Variants in STK32B observed in about 807,000 individuals in gnomAD.
STK32B encodes serine/threonine-protein kinase 32B.
A neutral mutation model predicts 52.6 loss-of-function variants in STK32B; 43 were observed. That is an observed-to-expected ratio of 0.82 (90% CI 0.64 to 1.05). The LOEUF is 1.05. STK32B is among the 50% of genes least tolerant of loss of function. STK32B has a pLI of 0.00. For synonymous variants in STK32B, 238 were observed against 204.3 expected (o/e 1.17, Z -1.41); for missense variants, 621 against 534.6 (o/e 1.16, Z -1.59).
intron 3 of STK32B, among the ~76,000 whole-genome samples, chr4:5,189,934 C>T (rs1721045894): frequency 1.3e-5 from 2 of 152,258 alleles, no homozygotes; most frequent in Admixed American, 6.5e-5. Flanking sequence ...GCATTCAGAA[C>T]CATGGCTGGC....
At chr4:5,491,989 G>A (rs1459865215) in intron 11 of STK32B, among the ~76,000 whole-genome samples, 2 of 152,128 alleles carry the variant, frequency 1.3e-5, no homozygotes, top group African/African-American at 2.4e-5. Context: ...TAGCCTTGTA[G>A]TATAGTTTGA....
intron 7 of STK32B, among the ~76,000 whole-genome samples, chr4:5,452,442 A>C (rs1048258311): frequency 4.6e-5 from 7 of 152,120 alleles, no homozygotes; most frequent in Non-Finnish European, 1.0e-4. Flanking sequence ...CCTGGGAGGT[A>C]ATGGAGTCTG....
At chr4:5,194,507 A>G (rs1721489292) in intron 3 of STK32B, among the ~76,000 whole-genome samples, 1 of 152,204 alleles carries the variant, frequency 6.6e-6, no homozygotes, top group African/African-American at 2.4e-5. Context: ...ACCCCATAAC[A>G]TGCTGAGTTT....
chr4:5,446,137 A>G (rs1049875387), intron 6 of STK32B, among the ~76,000 whole-genome samples: 7 of 152,150 alleles, frequency 4.6e-5, no homozygotes, highest in East Asian at 1.9e-4. Context: ...AGGGCATCCC[A>G]TCTGCATTCC....
intron 2 of STK32B, among the ~76,000 whole-genome samples, chr4:5,148,209 A>C (rs966764277): frequency 6.6e-6 from 1 of 151,738 alleles, no homozygotes; most frequent in Admixed American, 6.6e-5. Context: ...TTATCATAGG[A>C]TCTTCTTAAT....
intron 3 of STK32B, among the ~76,000 whole-genome samples, chr4:5,276,695 C>A (rs1412562355): frequency 6.6e-6 from 1 of 151,990 alleles, no homozygotes; most frequent in Non-Finnish European, 1.5e-5. Context: ...ATCTTTTCAT[C>A]ACGAGGCTGA....
At chr4:5,239,987 G>A (rs935770831) in intron 3 of STK32B, among the ~76,000 whole-genome samples, 4 of 151,796 alleles carry the variant, frequency 2.6e-5, no homozygotes, top group Non-Finnish European at 4.4e-5. Flanking sequence ...TAAATTAACT[G>A]TACCTGACTA....
In STK32B at chr4:5,498,928, T is replaced by C. The variant is rs1457222664; in HGVS notation, c.1107-17T>C. On this transcript the variant is annotated splice_polypyrimidine_tract_variant and intron_variant, in intron 11 of 11. Transcript: ENST00000282908. ...CCCCATGCCGCACCACTAACTCAGATCTGTGCTTGTTTGCAGGCTCAGGAG... is the reference window on the plus strand; with the variant it reads ...CCCCATGCCGCACCACTAACTCAGACCTGTGCTTGTTTGCAGGCTCAGGAG... The C allele has an allele frequency of 4.4e-6, 7 of 1,608,820 alleles. No individual in the cohort carries two copies. Among genetic ancestry groups the C allele is most frequent in the Non-Finnish European group, 5.1e-6 (6 of 1,177,206 alleles).
At chr4:5,475,211 G>GGA (rs1483488200) in intron 11 of STK32B, among the ~76,000 whole-genome samples, 1 of 151,982 alleles carries the variant, frequency 6.6e-6, no homozygotes, top group Non-Finnish European at 1.5e-5. Flanking sequence ...CACGAGGTCA[G>GGA]GAGTTCAAGA....
At chr4:5,475,774 G>A (rs1718193972) in intron 11 of STK32B, among the ~76,000 whole-genome samples, 1 of 151,032 alleles carries the variant, frequency 6.6e-6, no homozygotes, top group Admixed American at 6.6e-5. Flanking sequence ...AAAAGACATA[G>A]AAAATACTAT....
At chr4:5,019,430 G>C in the STK32B span, 1 of 1,476,816 alleles carries the variant, frequency 6.8e-7, no homozygotes, top group Non-Finnish European at 8.9e-7. Context: ...ACGGGCAGAG[G>C]CCCAGGCGTC....
Position 5,248,967 on chromosome 4 carries a change from T to C in STK32B, c.260+80517T>C, listed in dbSNP as rs192532228. ...GGAGGAGGGATAGCATTAGGAGATA[T>C]ACCTAATGTAAAGGACGAGTTAATG... On this transcript the variant is annotated intron_variant, in intron 3 of 11. Coordinates refer to ENST00000282908, the MANE Select transcript of STK32B (RefSeq NM_018401.3). Among the ~76,000 whole-genome samples the C allele has an allele frequency of 2.0e-3, 302 of 151,942 alleles. 1 individual carries two copies. Among genetic ancestry groups the C allele is most frequent in the African/African-American group, 7.0e-3 (289 of 41,366 alleles).
chr4:5,026,137 T>C, the STK32B span, among the ~76,000 whole-genome samples: 2 of 152,252 alleles, frequency 1.3e-5, no homozygotes, highest in African/African-American at 2.4e-5. Flanking sequence ...TGTTTTCTTC[T>C]TGTGATCTAA....
intron 4 of STK32B, among the ~76,000 whole-genome samples, chr4:5,335,653 T>C (rs1364073047): frequency 1.3e-5 from 2 of 152,150 alleles, no homozygotes; most frequent in African/African-American, 4.8e-5. Context: ...GCTTTGAATG[T>C]GTCCCAGAGA....
intron 3 of STK32B, among the ~76,000 whole-genome samples, chr4:5,234,541 T>C (rs186403496): frequency 1.5e-4 from 23 of 152,340 alleles, no homozygotes; most frequent in African/African-American, 5.0e-4. Flanking sequence ...TCTGTACCTA[T>C]CAAAGCTCAT....
At chr4:5,431,402 C>T (rs1713566573) in intron 6 of STK32B, among the ~76,000 whole-genome samples, 1 of 152,126 alleles carries the variant, frequency 6.6e-6, no homozygotes, top group Admixed American at 6.5e-5. Flanking sequence ...ATCCCATACG[C>T]TATTTAGAAG....
At chr4:5,189,473 C>A (rs577129238) in intron 3 of STK32B, among the ~76,000 whole-genome samples, 1 of 152,318 alleles carries the variant, frequency 6.6e-6, no homozygotes, top group South Asian at 2.1e-4. Flanking sequence ...GTATGTCTTT[C>A]ATGGCTTGAT....
chr4:5,047,692 C>T (rs374345772), upstream of STK32B, among the ~76,000 whole-genome samples: 26 of 152,186 alleles, frequency 1.7e-4, no homozygotes, highest in East Asian at 7.7e-4. Flanking sequence ...ACAGGAAAGC[C>T]GGGTAGAAAT....
At chr4:5,103,526 C>G (rs1460546762) in intron 1 of STK32B, among the ~76,000 whole-genome samples, 4 of 152,210 alleles carry the variant, frequency 2.6e-5, no homozygotes, top group African/African-American at 9.6e-5. Flanking sequence ...TTATGGCATA[C>G]TTTATTGACT....
Sources: gnomAD v4.1 joint callset for allele counts (sites outside exome capture counted in the v4.1 genomes callset) on GRCh38, gnomAD v4.1.1 for gene constraint, MANE v1.5 for transcripts, NCBI Gene and HGNC (gene_info 2026-07-23, HGNC 2026-07-21) for gene names.